MACROD2: variants seen among roughly 807,000 people sequenced by gnomAD.
MACROD2 encodes the protein ADP-ribose glycohydrolase MACROD2.
In MACROD2, 36 loss-of-function variants were observed where a neutral mutation model predicts 70.4. That is an observed-to-expected ratio of 0.51 (90% confidence interval 0.39 to 0.68). The LOEUF (loss-of-function observed/expected upper bound fraction) is 0.68, where lower values mean the gene tolerates loss of function less well. Ranked by LOEUF, MACROD2 falls within the 30% of genes least tolerant of loss-of-function variation. The pLI is 0.00. For missense variants in MACROD2, 496 were observed against 538.4 expected (o/e 0.92, Z 0.78); for synonymous variants, 172 against 178.8 (o/e 0.96, Z 0.30).
rs540436621 is a variant in MACROD2, at chr20:14,224,606, C to G, written c.271+138878C>G. 4.6e-5 allele frequency among the ~76,000 whole-genome samples: 7 copies of G among 152,294 alleles called. No homozygotes were observed. The East Asian group carries it at 1.4e-3, about 29-fold the overall frequency. ...TCTTCCCCTTAGCTTTGTATACTAT[C>G]TAGAAGTTACGTGGCTTCCTGGGAT... On this transcript the variant is annotated intron_variant, in intron 3 of 17. Transcript: ENST00000684519.
rs75217497 is a variant in MACROD2, at chr20:14,956,862, A to G, written c.418+271903A>G. On this transcript the variant is annotated intron_variant, in intron 5 of 17. Coordinates refer to ENST00000684519, the MANE Select transcript of MACROD2 (RefSeq NM_001351661.2). ...GCTTCTGATGATGTAGTAAATCAGC[A>G]GTGAAATTAGGTGAGACTCACTACA... 5.0e-3 allele frequency among the ~76,000 whole-genome samples: 767 copies of G among 152,280 alleles called. 5 individuals are homozygous for G. The highest frequency in any genetic ancestry group is 0.018 in the African/African-American group (738 of 41,546).
chr20:15,531,832 A>G (rs1459660765), intron 8 of MACROD2, among the ~76,000 whole-genome samples: 1 of 152,198 alleles, frequency 6.6e-6, no homozygotes, highest in Admixed American at 6.5e-5. Flanking sequence ...AATATTGGTT[A>G]CATACCAAAG....
At chr20:15,710,212 A>C (rs2050605942) in intron 8 of MACROD2, among the ~76,000 whole-genome samples, 1 of 151,060 alleles carries the variant, frequency 6.6e-6, no homozygotes, top group Non-Finnish European at 1.5e-5. Flanking sequence ...AAAAAAAAAA[A>C]ACAATTGCGG....
At chr20:14,495,104 T>C (rs1307351011) in intron 4 of MACROD2, among the ~76,000 whole-genome samples, 3 of 152,168 alleles carry the variant, frequency 2.0e-5, no homozygotes, top group Admixed American at 1.3e-4. Flanking sequence ...TTAGTTAAAA[T>C]CACTTTAGCC....
chr20:15,216,494 G>C (rs2076811627), intron 5 of MACROD2, among the ~76,000 whole-genome samples: 1 of 152,054 alleles, frequency 6.6e-6, no homozygotes, highest in Non-Finnish European at 1.5e-5. Context: ...CAGTAGACGT[G>C]AATGAAGAAA....
At chr20:15,483,998 T>C (rs868216198) in intron 7 of MACROD2, among the ~76,000 whole-genome samples, 2 of 152,100 alleles carry the variant, frequency 1.3e-5, no homozygotes, top group Middle Eastern at 6.8e-3. Flanking sequence ...TCATGTCATC[T>C]ATGGATAAAG....
At chr20:14,332,138 G>A (rs115174825) in intron 3 of MACROD2, among the ~76,000 whole-genome samples, 2,286 of 152,098 alleles carry the variant, frequency 0.015, 23 homozygotes, top group African/African-American at 0.027. Context: ...CCTCACTGAT[G>A]AATCAAATTT....
chr20:14,853,034 T>C (rs967351675), intron 5 of MACROD2, among the ~76,000 whole-genome samples: 1 of 152,098 alleles, frequency 6.6e-6, no homozygotes, highest in Non-Finnish European at 1.5e-5. Flanking sequence ...GGCCTGGTCA[T>C]AGAAGGACTT....
chr20:15,940,043 A>T (rs1365153639), intron 12 of MACROD2, among the ~76,000 whole-genome samples: 1 of 152,176 alleles, frequency 6.6e-6, no homozygotes, highest in Admixed American at 6.5e-5. Flanking sequence ...TGGTTTCTTG[A>T]GATGGAATCT....
At chr20:15,467,516 A>T (rs75253154) in intron 7 of MACROD2, among the ~76,000 whole-genome samples, 3 of 152,230 alleles carry the variant, frequency 2.0e-5, no homozygotes, top group Non-Finnish European at 4.4e-5. Context: ...GAAAACTGGG[A>T]TTCAGGAGGT....
chr20:15,886,152 C>T (rs758395428), intron 10 of MACROD2, among the ~76,000 whole-genome samples: 9 of 152,142 alleles, frequency 5.9e-5, no homozygotes, highest in Non-Finnish European at 1.2e-4. Context: ...ACTTAATCAT[C>T]CTGTTCACAA....
intron 4 of MACROD2, among the ~76,000 whole-genome samples, chr20:14,596,091 T>C (rs1042072738): frequency 7.3e-5 from 11 of 151,682 alleles, no homozygotes; most frequent in Non-Finnish European, 1.3e-4. Flanking sequence ...ATATATGTAA[T>C]TTTTTTATTT....
chr20:15,084,072 G>GT lies in MACROD2; in HGVS notation c.419-145856dup, dbSNP rs75128227. On this transcript the variant is annotated intron_variant, in intron 5 of 17. Coordinates refer to ENST00000684519, the MANE Select transcript of MACROD2 (RefSeq NM_001351661.2). The stretch of plus-strand genomic sequence containing the variant: ...AAGCAACACTAGGTTTTTTTTTTTT[G>GT]TTTTTTTTTTTTAATGAAGTTTTGC... Among the ~76,000 whole-genome samples the GT allele has an allele frequency of 4.8e-3, 152 of 31,788 alleles. 1 individual carries two copies. The highest frequency in any genetic ancestry group is 0.012 in the Middle Eastern group (1 of 82). The allele number at this position is 31,788 out of a possible 152,430, so 20.9% of individuals were successfully genotyped here.
At chr20:15,912,678 T>G (rs1482679635) in intron 10 of MACROD2, among the ~76,000 whole-genome samples, 2 of 152,180 alleles carry the variant, frequency 1.3e-5, no homozygotes, top group African/African-American at 4.8e-5. Flanking sequence ...ACATTTCTCA[T>G]TTACCAAAAG....
intron 8 of MACROD2, among the ~76,000 whole-genome samples, chr20:15,609,196 C>G (rs2048933219): frequency 6.6e-6 from 1 of 152,174 alleles, no homozygotes; most frequent in Non-Finnish European, 1.5e-5. Flanking sequence ...AATTACACTC[C>G]CTTCAGACTA....
intron 3 of MACROD2, among the ~76,000 whole-genome samples, chr20:14,212,658 G>A (rs139952395): frequency 6.6e-4 from 100 of 151,962 alleles, no homozygotes; most frequent in African/African-American, 2.2e-3. Flanking sequence ...CATTGATACC[G>A]TTCTTGAGTC....
At chr20:14,527,859 C>T (rs2085253036) in intron 4 of MACROD2, among the ~76,000 whole-genome samples, 1 of 152,112 alleles carries the variant, frequency 6.6e-6, no homozygotes, top group Non-Finnish European at 1.5e-5. Flanking sequence ...AGTAACACTT[C>T]TCATGTCCAC....
intron 4 of MACROD2, among the ~76,000 whole-genome samples, chr20:14,565,130 A>AATGGACATAC (rs1600391878): frequency 6.6e-6 from 1 of 152,010 alleles, no homozygotes; most frequent in East Asian, 1.9e-4. Flanking sequence ...AGAGCTAAAC[A>AATGGACATAC]ATGGACATAC....
chr20:16,004,478 C>T (rs960590255), intron 15 of MACROD2, among the ~76,000 whole-genome samples: 3 of 152,234 alleles, frequency 2.0e-5, no homozygotes, highest in African/African-American at 7.2e-5. Flanking sequence ...GCCACGACTA[C>T]TCCAAATGTC....
Sources: gnomAD v4.1 joint callset for allele counts (sites outside exome capture counted in the v4.1 genomes callset) on GRCh38, gnomAD v4.1.1 for gene constraint, MANE v1.5 for transcripts, NCBI Gene and HGNC (gene_info 2026-07-23, HGNC 2026-07-21) for gene names.